Variants in GALNT13 observed in about 807,000 individuals in gnomAD.
GALNT13 encodes UDP-GalNAc:polypeptide N-acetylgalactosaminyltransferase 13.
Under a neutral mutation model 64.2 loss-of-function variants are expected in GALNT13, and 28 were observed. The ratio of observed to expected loss-of-function variants is 0.44; its 90% CI spans 0.32 to 0.60. The LOEUF is 0.60. Among genes scored for constraint, GALNT13 ranks in the 20% least tolerant of loss-of-function variants. The pLI, the probability that GALNT13 is intolerant of heterozygous loss-of-function variation, is 0.05. For synonymous variants in GALNT13, 214 were observed against 224.6 expected (o/e 0.95, Z 0.42); for missense variants, 577 against 669.8 (o/e 0.86, Z 1.53).
chr2:153,429,954 C>G, the GALNT13 span, among the ~76,000 whole-genome samples: 1 of 152,004 alleles, frequency 6.6e-6, no homozygotes, highest in Non-Finnish European at 1.5e-5. Flanking sequence ...GAGAGTGAGT[C>G]ACTAATAGAC....
chr2:153,802,670 C>A, the GALNT13 span, among the ~76,000 whole-genome samples: 4 of 152,178 alleles, frequency 2.6e-5, no homozygotes, highest in South Asian at 8.3e-4. Flanking sequence ...ATTTTTGAAA[C>A]TTAAGGTATT....
chr2:154,048,429 A>G (rs897663939), intron 3 of GALNT13, among the ~76,000 whole-genome samples: 1 of 152,206 alleles, frequency 6.6e-6, no homozygotes, highest in Non-Finnish European at 1.5e-5. Flanking sequence ...ATTAACAAAT[A>G]AAATACTGTT....
At chr2:153,106,460 G>T in the GALNT13 span, among the ~76,000 whole-genome samples, 1 of 152,136 alleles carries the variant, frequency 6.6e-6, no homozygotes, top group Non-Finnish European at 1.5e-5. Flanking sequence ...TACAGAACCA[G>T]AGAGTAGTGG....
chr2:153,817,491 C>G, the GALNT13 span, among the ~76,000 whole-genome samples: 2 of 152,144 alleles, frequency 1.3e-5, no homozygotes, highest in African/African-American at 4.8e-5. Flanking sequence ...CAGCAAAAAT[C>G]CTGTTAGGAT....
the GALNT13 span, chr2:153,173,115 A>G: frequency 6.2e-4 from 94 of 152,268 alleles, no homozygotes; most frequent in African/African-American, 2.1e-3. Flanking sequence ...ATCTATATCT[A>G]TATAATTCCA....
At chr2:153,974,641 A>G (rs1216770688) in intron 3 of GALNT13, among the ~76,000 whole-genome samples, 1 of 152,012 alleles carries the variant, frequency 6.6e-6, no homozygotes, top group Non-Finnish European at 1.5e-5. Flanking sequence ...AAATAAGTGG[A>G]TATGGGGCTA....
At chr2:153,999,642 A>G (rs1026613155) in intron 3 of GALNT13, among the ~76,000 whole-genome samples, 1 of 152,090 alleles carries the variant, frequency 6.6e-6, no homozygotes, top group African/African-American at 2.4e-5. Context: ...ATGATGAACC[A>G]TCCTTTCATC....
At chr2:153,651,188 G>A in the GALNT13 span, among the ~76,000 whole-genome samples, 1 of 152,104 alleles carries the variant, frequency 6.6e-6, no homozygotes. Flanking sequence ...AAAAGGAGAG[G>A]TTGTGCAAGA....
At chr2:153,717,824 C>A in the GALNT13 span, among the ~76,000 whole-genome samples, 3 of 152,132 alleles carry the variant, frequency 2.0e-5, no homozygotes, top group East Asian at 5.8e-4. Context: ...TGTAAAGCAA[C>A]TAGCCAGAAG....
At chr2:153,523,010 T>C in the GALNT13 span, among the ~76,000 whole-genome samples, 4 of 151,898 alleles carry the variant, frequency 2.6e-5, no homozygotes, top group Non-Finnish European at 5.9e-5. Context: ...TTTTGAGTTA[T>C]TTTTTGTGAA....
chr2:153,814,113 A>T, the GALNT13 span, among the ~76,000 whole-genome samples: 1 of 152,194 alleles, frequency 6.6e-6, no homozygotes, highest in Non-Finnish European at 1.5e-5. Flanking sequence ...CAGAACAGTC[A>T]CCGCATCACC....
intron 7 of GALNT13, among the ~76,000 whole-genome samples, chr2:154,249,739 A>G (rs1384674058): frequency 6.6e-6 from 1 of 152,132 alleles, no homozygotes; most frequent in Non-Finnish European, 1.5e-5. Context: ...AAAGAGTTTT[A>G]GATGTTCTTT....
chr2:153,664,646 T>C, the GALNT13 span, among the ~76,000 whole-genome samples: 5 of 152,200 alleles, frequency 3.3e-5, no homozygotes, highest in African/African-American at 4.8e-5. Flanking sequence ...CTTCATAATT[T>C]ATGTTCAGAG....
chr2:154,262,079 C>T (rs770397090), intron 8 of GALNT13, among the ~76,000 whole-genome samples: 3 of 152,018 alleles, frequency 2.0e-5, no homozygotes, highest in Non-Finnish European at 4.4e-5. Context: ...AAGATGTTTC[C>T]AACCTTTTAA....
the GALNT13 span, among the ~76,000 whole-genome samples, chr2:153,278,897 A>T: frequency 5.5e-4 from 83 of 152,226 alleles, 1 homozygote; most frequent in African/African-American, 1.9e-3. Flanking sequence ...GTGAAAAATG[A>T]CATTTGTAGT....
At chr2:153,521,494 G>C in the GALNT13 span, among the ~76,000 whole-genome samples, 55,744 of 151,934 alleles carry the variant, frequency 0.37, 11,190 homozygotes, top group East Asian at 0.76. Context: ...TCAACATCCC[G>C]TACCAGAGTG....
intron 8 of GALNT13, among the ~76,000 whole-genome samples, chr2:154,274,154 G>A (rs1442005197): frequency 1.3e-5 from 2 of 152,010 alleles, no homozygotes; most frequent in African/African-American, 2.4e-5. Context: ...ATATACGCAA[G>A]GTGTGGTTCT....
the GALNT13 span, among the ~76,000 whole-genome samples, chr2:153,200,130 C>T: frequency 0.16 from 24,110 of 152,116 alleles, 2,026 homozygotes; most frequent in Non-Finnish European, 0.17. Flanking sequence ...GATAATTCCT[C>T]GGCTTCTGAA....
the GALNT13 span, among the ~76,000 whole-genome samples, chr2:153,414,582 A>G: frequency 1.3e-5 from 2 of 152,018 alleles, no homozygotes; most frequent in Admixed American, 6.5e-5. Flanking sequence ...GTCATTCAAA[A>G]TGAAAACTAT....
Sources: allele counts gnomAD v4.1 joint callset (sites outside exome capture counted in the v4.1 genomes callset), GRCh38; gene constraint gnomAD v4.1.1; transcripts MANE v1.5; gene names NCBI Gene and HGNC (gene_info 2026-07-23, HGNC 2026-07-21).